Variants in KLHL35 observed in about 807,000 individuals in gnomAD.
KLHL35 encodes kelch-like protein 35.
In KLHL35, 50 loss-of-function variants were observed where a neutral mutation model predicts 44.0. The ratio of observed to expected loss-of-function variants is 1.14; its 90% CI spans 0.91 to 1.44. The LOEUF (loss-of-function observed/expected upper bound fraction) is 1.44, where lower values mean the gene tolerates loss of function less well. Ranked by LOEUF, KLHL35 falls within the 40% of genes most tolerant of loss-of-function variation. The pLI is 0.00. For missense variants in KLHL35, 1,049 were observed against 887.8 expected, an observed-to-expected ratio of 1.18 and a Z score of -2.31; for synonymous variants, 470 against 410.4, an observed-to-expected ratio of 1.15 and a Z score of -1.76.
chr11:75,425,897 A>C, intron 4 of KLHL35: 1 of 319,390 alleles, frequency 3.1e-6, no homozygotes. Context: ...ACCCCACTTA[A>C]TTGATTCTAA....
chr11:75,425,487 AG>A lies in KLHL35; in HGVS notation c.1279del (p.Leu427SerfsTer5). On this transcript the variant is annotated frameshift_variant, in exon 5 of 7. Transcript: ENST00000539798. LOFTEE classifies it high-confidence loss of function. Reference sequence around the variant, plus strand: ...CGCCGCCGAGCTCACGGCCTCCGGGAGGGGCGCGGCGGCCGCCCAGGTGTTG... The same window carrying A: ...CGCCGCCGAGCTCACGGCCTCCGGGAGGGCGCGGCGGCCGCCCAGGTGTTG... ...FSNTWAAAAP[L>X]PEAVSSAAVA... The A allele has an allele frequency of 6.4e-7, 1 of 1,563,288 alleles. No individual in the cohort carries two copies. The highest frequency in any genetic ancestry group is 8.6e-7 in the Non-Finnish European group (1 of 1,160,280).
In KLHL35 at chr11:75,426,659, G is replaced by A. The variant is rs772110962; in HGVS notation, c.1067-21C>T. The A allele has an allele frequency of 2.6e-6, 4 of 1,514,418 alleles. No homozygotes were observed. In the East Asian group the frequency reaches 9.5e-5, roughly 36 times the overall value. The allele number at this position is 1,514,418 out of a possible 1,614,324, so 93.8% of individuals were successfully genotyped here. A position where few individuals can be genotyped will look rare whatever the true frequency, so the allele number is the denominator to read the frequency against. Reference sequence around the variant, plus strand: ...GCCTCCTAGGGAGAGAGAAGCAGCTGTTGCCCATCGGCTCTCTTGCTATCC... The same window carrying A: ...GCCTCCTAGGGAGAGAGAAGCAGCTATTGCCCATCGGCTCTCTTGCTATCC... On this transcript the variant is annotated intron_variant, in intron 3 of 6. Transcript: ENST00000539798.
chr11:75,422,449 G>T lies in KLHL35; in HGVS notation c.*131C>A, dbSNP rs981426266. 2.5e-6 allele frequency: 2 copies of T among 806,606 alleles called. No homozygotes were observed. Among genetic ancestry groups the T allele is most frequent in the South Asian group, 1.8e-5 (1 of 54,850 alleles). The allele number at this position is 806,606 out of a possible 1,614,324, so 50.0% of individuals were successfully genotyped here. On this transcript the variant is annotated 3_prime_UTR_variant, in exon 7 of 7. Transcript: ENST00000539798. Reference sequence around the variant, plus strand: ...TGCAGCTGGAACACAGACCCAACAAGATTTTATTTATACAAGAAAAGGGAC... The same window carrying T: ...TGCAGCTGGAACACAGACCCAACAATATTTTATTTATACAAGAAAAGGGAC...
chr11:75,426,536 GC>G lies in KLHL35; in HGVS notation c.1168del (p.Ala390GlnfsTer16), dbSNP rs1179735343. ...CGTGCCTACCTGCCCCTGCACAACT[GC>G]CATCTTGTGCCTCCACCTGCCCTTG... ...LHKGRWRHKMAVVQGQLFAVG... is the reference protein window; with the variant it reads ...LHKGRWRHKMXVVQGQLFAVG... On this transcript the variant is annotated frameshift_variant, in exon 4 of 7. Coordinates refer to ENST00000539798, the MANE Select transcript of KLHL35 (RefSeq NM_001039548.3). LOFTEE classifies it high-confidence loss of function. The G allele has an allele frequency of 1.3e-6, 2 of 1,595,816 alleles. No individual in the cohort carries two copies. Among genetic ancestry groups the G allele is most frequent in the Non-Finnish European group, 1.7e-6 (2 of 1,171,300 alleles).
intron 1 of KLHL35, 95 bp from the exon 2 acceptor site, chr11:75,430,725 A>T (rs1323149701): frequency 1.8e-6 from 2 of 1,081,940 alleles, no homozygotes; most frequent in Non-Finnish European, 2.4e-6. Flanking sequence ...TCTCTTGACC[A>T]TTTGTTCAGC....
Position 75,425,474 on chromosome 11 carries a change from C to G in KLHL35, c.1293G>C (p.Val431=). 2 of 1,574,156 alleles carry G rather than the reference C, an allele frequency of 1.3e-6. No homozygotes were observed. The highest frequency in any genetic ancestry group is 1.7e-6 in the Non-Finnish European group (2 of 1,165,530). ...CGCAGGACGCCACCGCCGCCGAGCT[C>G]ACGGCCTCCGGGAGGGGCGCGGCGG... ...WAAAAPLPEA[V]SSAAVASCAG... Residue 431 remains valine, a synonymous_variant, in exon 5 of 7, where the codon GTG becomes GTC. Transcript: ENST00000539798.
At chr11:75,423,365 C>A in intron 6 of KLHL35, 1 of 284,380 alleles carries the variant, frequency 3.5e-6, no homozygotes, top group Non-Finnish European at 6.6e-6. Flanking sequence ...CATCTTACCT[C>A]ATGATTGGTT....
intron 1 of KLHL35, among the ~76,000 whole-genome samples, chr11:75,431,255 A>C (rs373178257): frequency 1.3e-5 from 2 of 152,308 alleles, no homozygotes. Context: ...CTGGACACTG[A>C]CCACACCCTG....
At position 75,430,087 on chromosome 11, in the gene KLHL35, G is replaced by A. The variant is rs747237873; in HGVS notation, c.543C>T (p.Ala181=). ...CGGCGTGGCGCGCCACCTCGGCGAA[G>A]GCCTGACGCAGGACGCGGCCGCAGC... is the stretch of plus-strand genomic sequence containing the variant. ...AERCGRVLRQ[A]FAEVARHADF... is the part of the protein sequence containing the mutation. The change falls in exon 2 of 7, where the codon GCC becomes GCT. Residue 181 remains alanine (A), a synonymous_variant. Coordinates refer to ENST00000539798, the MANE Select transcript of KLHL35 (RefSeq NM_001039548.3). 3 of 1,360,248 alleles carry A rather than the reference G, an allele frequency of 2.2e-6. No homozygotes were observed. Among genetic ancestry groups the A allele is most frequent in the South Asian group, 3.3e-5 (2 of 59,860 alleles). The allele number at this position is 1,360,248 out of a possible 1,614,324, so 84.3% of individuals were successfully genotyped here.
rs1179854994 is a variant in KLHL35, at chr11:75,428,505, G to C, written c.1003C>G (p.Leu335Val). The stretch of plus-strand genomic sequence containing the variant: ...AATTCTGAGCGAGTGTAGCCGGGCA[G>C]GCTGGGCAGTGGGGTCCACCGCTGG... Reference protein sequence around the residue: ...ESQRWTPLPSLPGYTRSEFAA... With the variant: ...ESQRWTPLPSVPGYTRSEFAA... The change falls in exon 3 of 7, where the codon CTG becomes GTG. Residue 335 changes from leucine to valine, a missense_variant. Transcript: ENST00000539798. 6 of 1,612,392 alleles carry C rather than the reference G, an allele frequency of 3.7e-6. No homozygotes were observed. The highest frequency in any genetic ancestry group is 3.4e-6 in the Non-Finnish European group (4 of 1,179,888).
intron 4 of KLHL35, 105 bp downstream of exon 4, chr11:75,426,414 GC>G (rs1948492914): frequency 4.5e-6 from 3 of 663,932 alleles, no homozygotes; most frequent in Non-Finnish European, 7.5e-6. Context: ...TTTTTGGGGG[GC>G]TTCAGACCCC....
chr11:75,426,320 CTTGACCATCAGGCTGTTACTA>C lies in KLHL35; in HGVS notation c.1185+179_1185+199del. The C allele has an allele frequency of 1.0e-5, 5 of 478,604 alleles. No homozygotes were observed. In the South Asian group the frequency reaches 1.4e-4, roughly 13 times the overall value. 29.6% of individuals were successfully genotyped at this position (478,604 alleles called of 1,614,324 possible). A position where few individuals can be genotyped will look rare whatever the true frequency, so the allele number is the denominator to read the frequency against. On this transcript the variant is annotated intron_variant, in intron 4 of 6. Transcript: ENST00000539798. The stretch of plus-strand genomic sequence containing the variant: ...ACTCTATGGCCCCAGAGCCCATACC[CTTGACCATCAGGCTGTTACTA>C]TTACAGTAATTGCTATTATTATTAG...
At position 75,432,986 on chromosome 11, in the gene KLHL35, C is replaced by T. The variant is rs1320125283; in HGVS notation, c.-2+57G>A. Among the ~76,000 whole-genome samples, 4 of 152,238 alleles carry T rather than the reference C, an allele frequency of 2.6e-5. No homozygotes were observed. The South Asian group carries it at 8.3e-4, about 32-fold the overall frequency. ...CCTCCCCATCTCAGACTTGCGGACACCACGCAGCCGGGTCAGCCCTGCAGC... is the reference window on the plus strand; with the variant it reads ...CCTCCCCATCTCAGACTTGCGGACATCACGCAGCCGGGTCAGCCCTGCAGC... On this transcript the variant is annotated intron_variant, in intron 1 of 6. Transcript: ENST00000539798.
intron 5 of KLHL35, chr11:75,425,041 G>T (rs940198541): frequency 1.3e-4 from 26 of 205,280 alleles, no homozygotes; most frequent in African/African-American, 4.9e-4. Flanking sequence ...GGGATTATGG[G>T]TTTTTTTTTT....
In KLHL35 at chr11:75,433,097, C is replaced by T. The variant is rs1948553662; in HGVS notation, c.-56G>A. Among the ~76,000 whole-genome samples the T allele has an allele frequency of 6.6e-6, 1 of 152,218 alleles. No individual in the cohort carries two copies. The highest frequency in any genetic ancestry group is 1.5e-5 in the Non-Finnish European group (1 of 68,042). On this transcript the variant is annotated 5_prime_UTR_variant, in exon 1 of 7. Coordinates refer to ENST00000539798, the MANE Select transcript of KLHL35 (RefSeq NM_001039548.3). ...AGCTGCTGCTCTCACAGGTATCACT[C>T]CCGTTTGTGCCTGCCGCCCGCACCC...
rs1237514570 is a variant in KLHL35, at chr11:75,430,334, G to A, written c.296C>T (p.Ala99Val). 4.8e-5 allele frequency: 62 copies of A among 1,280,232 alleles called. No homozygotes were observed. Among genetic ancestry groups the A allele is most frequent in the South Asian group, 6.4e-5 (3 of 46,990 alleles). The allele number at this position is 1,280,232 out of a possible 1,614,324, so 79.3% of individuals were successfully genotyped here. Residue 99 changes from alanine to valine, a missense_variant, in exon 2 of 7, where the codon GCG becomes GTG. Coordinates refer to ENST00000539798, the MANE Select transcript of KLHL35 (RefSeq NM_001039548.3). ...GAGCACCACGGCCAGCGCCGCCGCC[G>A]CCCCGGCCGGGCTCGTGCCTGGCGC... ...PEAPGTSPAGAAAALAVVLDY... is the reference protein window; with the variant it reads ...PEAPGTSPAGVAAALAVVLDY...
intron 3 of KLHL35, 132 bp downstream of exon 3, chr11:75,428,310 T>G: frequency 8.5e-6 from 9 of 1,056,844 alleles, no homozygotes; most frequent in Non-Finnish European, 1.1e-5. Flanking sequence ...CCCTGCTCAC[T>G]TCAGCCAATA....
chr11:75,431,703 C>T (rs1434093932), intron 1 of KLHL35, among the ~76,000 whole-genome samples: 2 of 152,222 alleles, frequency 1.3e-5, no homozygotes, highest in Non-Finnish European at 2.9e-5. Flanking sequence ...CTCCTCTCAC[C>T]TGCCCGCCCT....
chr11:75,431,393 T>C (rs991545695), intron 1 of KLHL35, among the ~76,000 whole-genome samples: 15 of 152,244 alleles, frequency 9.9e-5, no homozygotes, highest in African/African-American at 3.6e-4. Context: ...TGCCCGGAGC[T>C]CCCAGCCTGG....
Sources: allele counts gnomAD v4.1 joint callset (sites outside exome capture counted in the v4.1 genomes callset), GRCh38; gene constraint gnomAD v4.1.1; transcripts MANE v1.5; gene names NCBI Gene and HGNC (gene_info 2026-07-23, HGNC 2026-07-21).